Variants in NEBL observed in about 807,000 individuals in gnomAD.
NEBL encodes nebulette, also known as LIM and SH3 protein 2.
A neutral mutation model predicts 140.2 loss-of-function variants in NEBL; 122 were observed. The observed-to-expected ratio is 0.87, with a 90% confidence interval of 0.75 to 1.01. The LOEUF (loss-of-function observed/expected upper bound fraction) is 1.01, where lower values mean the gene tolerates loss of function less well. NEBL is among the 50% of genes least tolerant of loss of function. The probability of loss-of-function intolerance (pLI) is 0.00; values close to 1 mark genes in which losing one functional copy is unlikely to be tolerated. For synonymous variants in NEBL, 436 were observed against 398.9 expected, an observed-to-expected ratio of 1.09 and a Z score of -1.11; for missense variants, 1,365 against 1,231.3, an observed-to-expected ratio of 1.11 and a Z score of -1.62.
intron 2 of NEBL, among the ~76,000 whole-genome samples, chr10:21,031,204 G>C (rs1428559683): frequency 6.6e-6 from 1 of 152,220 alleles, no homozygotes. Context: ...AGAGAGATAG[G>C]AGGAGAGAGA....
intron 25 of NEBL, among the ~76,000 whole-genome samples, chr10:20,809,191 T>C (rs140122816): frequency 6.6e-6 from 1 of 152,292 alleles, no homozygotes; most frequent in East Asian, 1.9e-4. Flanking sequence ...AGCTATCTAT[T>C]GTTTAACATA....
Position 21,158,681 on chromosome 10 carries a change from G to T in NEBL, c.164+13702C>A, listed in dbSNP as rs138266971. Among the ~76,000 whole-genome samples the T allele has an allele frequency of 2.9e-3, 438 of 152,218 alleles. 5 individuals carry two copies. Among genetic ancestry groups the T allele is most frequent in the African/African-American group, 1.0e-2 (414 of 41,550 alleles). On this transcript the variant is annotated intron_variant, in intron 2 of 6. Transcript: ENST00000417816. ...CAGGTCCCTAAGATGCCACCCTCTG[G>T]ATGGACAGATTCCAATTTCCTTAAT...
intron 2 of NEBL, among the ~76,000 whole-genome samples, chr10:21,022,954 G>A (rs1313758072): frequency 6.6e-6 from 1 of 152,116 alleles, no homozygotes; most frequent in Non-Finnish European, 1.5e-5. Flanking sequence ...CAGACAAAAT[G>A]TTGGCCACAC....
chr10:20,790,976 C>CA (rs1223074298), intron 26 of NEBL, among the ~76,000 whole-genome samples: 2 of 152,212 alleles, frequency 1.3e-5, no homozygotes, highest in African/African-American at 4.8e-5. Context: ...TTAAACTAGT[C>CA]ATCAGATACC....
intron 2 of NEBL, among the ~76,000 whole-genome samples, chr10:21,052,364 C>T (rs1213547784): frequency 1.3e-5 from 2 of 152,200 alleles, no homozygotes; most frequent in African/African-American, 4.8e-5. Flanking sequence ...AAGCTTTCCA[C>T]CTCAATTCTC....
intron 2 of NEBL, among the ~76,000 whole-genome samples, chr10:21,050,272 G>T (rs1191768529): frequency 6.6e-6 from 1 of 151,992 alleles, no homozygotes; most frequent in East Asian, 1.9e-4. Flanking sequence ...TCTGATTTCT[G>T]TTGGCAACTT....
chr10:20,955,114 A>G (rs898585871), intron 4 of NEBL, among the ~76,000 whole-genome samples: 1 of 152,164 alleles, frequency 6.6e-6, no homozygotes, highest in African/African-American at 2.4e-5. Context: ...CTATTCCCAC[A>G]CTCCTATCAA....
chr10:20,849,639 C>T (rs963651431), intron 11 of NEBL, among the ~76,000 whole-genome samples: 2 of 152,166 alleles, frequency 1.3e-5, no homozygotes, highest in Admixed American at 1.3e-4. Context: ...AGCAAGAAGA[C>T]CCTTGGCAGA....
intron 4 of NEBL, among the ~76,000 whole-genome samples, chr10:20,951,123 A>C (rs1308359236): frequency 6.6e-6 from 1 of 152,226 alleles, no homozygotes; most frequent in African/African-American, 2.4e-5. Flanking sequence ...AAAACAAAAA[A>C]AGAAGCTGAC....
intron 4 of NEBL, among the ~76,000 whole-genome samples, chr10:20,954,893 G>A (rs1835708890): frequency 6.6e-6 from 1 of 152,204 alleles, no homozygotes; most frequent in African/African-American, 2.4e-5. Context: ...TGAAATGGAT[G>A]GGTTCAGATT....
intron 4 of NEBL, among the ~76,000 whole-genome samples, chr10:20,918,619 C>G (rs10764291): frequency 0.83 from 126,597 of 151,962 alleles, 53,337 homozygotes; most frequent in East Asian, 1. Flanking sequence ...GGGAGGCCGA[C>G]GGGGGCAGAT....
intron 2 of NEBL, among the ~76,000 whole-genome samples, chr10:21,085,462 C>A (rs1564505769): frequency 6.6e-6 from 1 of 151,996 alleles, no homozygotes; most frequent in Admixed American, 6.6e-5. Context: ...TCTCTACAAA[C>A]AACAAACAAA....
chr10:20,832,736 T>C (rs1396112198), intron 14 of NEBL, among the ~76,000 whole-genome samples: 1 of 152,236 alleles, frequency 6.6e-6, no homozygotes, highest in Non-Finnish European at 1.5e-5. Flanking sequence ...TATTAGGAGA[T>C]CCTCAAATTT....
chr10:20,870,804 T>C (rs933539285), intron 5 of NEBL, among the ~76,000 whole-genome samples: 1 of 152,182 alleles, frequency 6.6e-6, no homozygotes, highest in African/African-American at 2.4e-5. Context: ...AACCAAAGTA[T>C]GGTAAGTAGA....
At chr10:21,085,336 C>T (rs759997727) in intron 2 of NEBL, among the ~76,000 whole-genome samples, 6 of 152,106 alleles carry the variant, frequency 3.9e-5, no homozygotes, top group East Asian at 1.9e-4. Context: ...TAAAACAGCA[C>T]GTAGGCCAAG....
intron 2 of NEBL, among the ~76,000 whole-genome samples, chr10:21,068,200 C>A (rs1056780255): frequency 6.6e-6 from 1 of 152,140 alleles, no homozygotes; most frequent in Non-Finnish European, 1.5e-5. Flanking sequence ...ATGTGTTGAA[C>A]ACTTTTATAA....
chr10:20,791,586 G>A (rs559867224), intron 26 of NEBL, among the ~76,000 whole-genome samples: 2 of 151,854 alleles, frequency 1.3e-5, no homozygotes, highest in South Asian at 2.1e-4. Context: ...CTACAGACAG[G>A]ATCTTGCTAC....
intron 4 of NEBL, among the ~76,000 whole-genome samples, chr10:20,943,972 T>C (rs1295370426): frequency 6.6e-6 from 1 of 152,214 alleles, no homozygotes; most frequent in African/African-American, 2.4e-5. Flanking sequence ...CGGTCTAGTC[T>C]CTGGTCTGTT....
intron 3 of NEBL, among the ~76,000 whole-genome samples, chr10:21,197,858 G>A (rs1841675569): frequency 6.6e-6 from 1 of 152,130 alleles, no homozygotes; most frequent in South Asian, 2.1e-4. Context: ...CAGTTTCCAT[G>A]TCCTGATGAT....
Sources: allele counts gnomAD v4.1 joint callset (sites outside exome capture counted in the v4.1 genomes callset), GRCh38; gene constraint gnomAD v4.1.1; transcripts MANE v1.5; gene names NCBI Gene and HGNC (gene_info 2026-07-23, HGNC 2026-07-21).